FAM53A: variants seen among roughly 807,000 people sequenced by gnomAD.
FAM53A encodes protein FAM53A.
Under a neutral mutation model 26.6 loss-of-function variants are expected in FAM53A, and 28 were observed. That is an observed-to-expected ratio of 1.05 (90% confidence interval 0.78 to 1.45). The LOEUF (loss-of-function observed/expected upper bound fraction) is 1.45. Among genes scored for constraint, FAM53A ranks in the 40% most tolerant of loss-of-function variants. FAM53A has a pLI of 0.00. For missense variants in FAM53A, 650 were observed against 575.8 expected, an observed-to-expected ratio of 1.13 and a Z score of -1.32; for synonymous variants, 290 against 253.1, an observed-to-expected ratio of 1.15 and a Z score of -1.38.
the FAM53A span, among the ~76,000 whole-genome samples, chr4:1,599,905 G>T: frequency 1.3e-5 from 2 of 152,096 alleles, no homozygotes; most frequent in African/African-American, 4.8e-5. This position sits in a 1 kb window ranked among gnomAD's most constrained non-coding sequence, Gnocchi z 6.1. Context: ...GCGGTCCCTT[G>T]GGGTACTGCC....
intron 1 of FAM53A, among the ~76,000 whole-genome samples, chr4:1,675,890 C>T (rs971931026): frequency 8.5e-5 from 13 of 152,216 alleles, no homozygotes; most frequent in South Asian, 6.2e-4. Flanking sequence ...TGGAGCTCCA[C>T]GGGGGCAGCA....
chr4:1,674,040 AT>A (rs994336780), intron 1 of FAM53A, among the ~76,000 whole-genome samples: 5 of 152,354 alleles, frequency 3.3e-5, no homozygotes, highest in Admixed American at 1.3e-4. Context: ...CAGGGCCGTT[AT>A]AACAATCTCC....
upstream of FAM53A, among the ~76,000 whole-genome samples, chr4:1,685,169 G>A (rs966658333): frequency 2.6e-5 from 4 of 152,166 alleles, no homozygotes; most frequent in East Asian, 1.9e-4. Flanking sequence ...GTGGATATCC[G>A]CCGACTCTGG....
At chr4:1,674,337 G>T (rs764053102) in intron 1 of FAM53A, among the ~76,000 whole-genome samples, 1 of 152,124 alleles carries the variant, frequency 6.6e-6, no homozygotes, top group Non-Finnish European at 1.5e-5. Flanking sequence ...GGTTAGAGCC[G>T]ACTCTAATCA....
At chr4:1,574,744 C>T in the FAM53A span, among the ~76,000 whole-genome samples, 1 of 152,228 alleles carries the variant, frequency 6.6e-6, no homozygotes, top group Non-Finnish European at 1.5e-5. Context: ...AGGAGGTGGG[C>T]CTGGAGCCGG....
the FAM53A span, among the ~76,000 whole-genome samples, chr4:1,603,991 A>G: frequency 6.6e-6 from 1 of 152,316 alleles, no homozygotes; most frequent in East Asian, 1.9e-4. Context: ...TCATGGGCAC[A>G]GCTGCTGCCT....
Position 1,683,762 on chromosome 4 carries a change from A to G in FAM53A, c.-165+471T>C, listed in dbSNP as rs569577453. ...ACTGCGCTCAGATTAACGGAAAAAG[A>G]CACCCCTCTAGAGTCCGGCAGCAGC... is the stretch of plus-strand genomic sequence containing the variant. On this transcript the variant is annotated intron_variant, in intron 1 of 4. Transcript: ENST00000308132. 9.2e-5 allele frequency: 14 copies of G among 152,348 alleles called. 3 individuals are homozygous for G. Among genetic ancestry groups the G allele is most frequent in the African/African-American group, 3.4e-4 (14 of 41,582 alleles). The allele number at this position is 152,348 out of a possible 1,614,324, so 9.4% of individuals were successfully genotyped here.
intron 4 of FAM53A, among the ~76,000 whole-genome samples, chr4:1,642,448 T>C (rs1331712750): frequency 6.6e-6 from 1 of 151,150 alleles, no homozygotes; most frequent in East Asian, 2.0e-4. Flanking sequence ...CCCGGCTATA[T>C]CTCACTCAGT....
At chr4:1,596,271 T>C in the FAM53A span, among the ~76,000 whole-genome samples, 260 of 152,350 alleles carry the variant, frequency 1.7e-3, no homozygotes, top group Middle Eastern at 0.014. Context: ...GCAGGTCCCC[T>C]CTACATAATT....
At chr4:1,642,687 G>A (rs1347398948) in intron 4 of FAM53A, among the ~76,000 whole-genome samples, 1 of 125,580 alleles carries the variant, frequency 8.0e-6, no homozygotes, top group Admixed American at 8.6e-5. Context: ...CCACCTCCCA[G>A]TCCTTGCCTC....
the FAM53A span, among the ~76,000 whole-genome samples, chr4:1,602,031 G>C: frequency 6.6e-6 from 1 of 150,718 alleles, no homozygotes; most frequent in Non-Finnish European, 1.5e-5. Flanking sequence ...TGGGATGGTG[G>C]AGGTGGGCCG....
At chr4:1,629,589 A>G (rs1398592138) in intron 1 of FAM53A, among the ~76,000 whole-genome samples, 2 of 152,158 alleles carry the variant, frequency 1.3e-5, no homozygotes, top group African/African-American at 4.8e-5. Flanking sequence ...GGCTGCCCGC[A>G]CGGGTCCTCA....
the FAM53A span, among the ~76,000 whole-genome samples, chr4:1,599,104 C>T: frequency 1.3e-5 from 2 of 152,236 alleles, no homozygotes; most frequent in South Asian, 2.1e-4. The surrounding 1 kb of genome is among the most constrained non-coding windows in gnomAD (Gnocchi z 6.1). Context: ...GCAGGGCCGT[C>T]GGCTCCAACC....
Position 1,630,199 on chromosome 4 carries a change from C to T in FAM53A, c.432-12088G>A, listed in dbSNP as rs1198084413. On this transcript the variant is annotated intron_variant, in intron 1 of 1. Coordinates refer to the FAM53A transcript ENST00000489029. This position sits in a 1 kb window ranked among gnomAD's most constrained non-coding sequence, Gnocchi z 4.3. Reference sequence around the variant, plus strand: ...CCTTCCAAGCTGTCGGAGCTGCCCACGAGGCAGGTGCACAAGACAGCCTGG... The same window carrying T: ...CCTTCCAAGCTGTCGGAGCTGCCCATGAGGCAGGTGCACAAGACAGCCTGG... Among the ~76,000 whole-genome samples, 2 of 152,172 alleles carry T rather than the reference C, an allele frequency of 1.3e-5. No homozygotes were observed. The highest frequency in any genetic ancestry group is 2.9e-5 in the Non-Finnish European group (2 of 68,022).
chr4:1,667,997 C>T (rs1414508886), intron 2 of FAM53A, among the ~76,000 whole-genome samples: 3 of 152,148 alleles, frequency 2.0e-5, no homozygotes, highest in African/African-American at 2.4e-5. Flanking sequence ...TTGGGAGGCG[C>T]GGCTAGGAGG....
downstream of FAM53A, among the ~76,000 whole-genome samples, chr4:1,635,962 G>A (rs562320056): frequency 1.5e-4 from 22 of 146,876 alleles, no homozygotes; most frequent in African/African-American, 5.3e-4. Context: ...TCCTGCCTCA[G>A]CCTCCCGACT....
chr4:1,655,277 C>T lies in FAM53A; in HGVS notation c.583G>A (p.Val195Met), dbSNP rs917112059. 7 of 1,425,748 alleles carry T rather than the reference C, an allele frequency of 4.9e-6. No individual in the cohort carries two copies. The highest frequency in any genetic ancestry group is 6.2e-5 in the Admixed American group (2 of 32,484). The allele number at this position is 1,425,748 out of a possible 1,614,324, so 88.3% of individuals were successfully genotyped here. ...CCCGCACTGCCCTCGCTGCTGTCCA[C>T]GAAGCCGCCGCTGGCGGAGGACGGC... Reference protein sequence around the residue: ...PRPSSASGGFVDSSEGSAGSG... With the variant: ...PRPSSASGGFMDSSEGSAGSG... Residue 195 changes from valine to methionine, a missense_variant, in exon 4 of 5, where the codon GTG (valine) becomes ATG (methionine). Transcript: ENST00000308132.
At chr4:1,600,950 C>T in the FAM53A span, among the ~76,000 whole-genome samples, 1 of 152,212 alleles carries the variant, frequency 6.6e-6, no homozygotes, top group Non-Finnish European at 1.5e-5. Context: ...TGGCGACCAG[C>T]CCTGCCCCAG....
chr4:1,611,325 C>T, the FAM53A span, among the ~76,000 whole-genome samples: 1 of 152,290 alleles, frequency 6.6e-6, no homozygotes, highest in Non-Finnish European at 1.5e-5. Context: ...GCCCCCGCCA[C>T]CCCAGTTCGA....
Sources: gnomAD v4.1 joint callset for allele counts (sites outside exome capture counted in the v4.1 genomes callset) on GRCh38, gnomAD v4.1.1 for gene constraint, Gnocchi (gnomAD v3.1) non-coding constraint, MANE v1.5 for transcripts, NCBI Gene and HGNC (gene_info 2026-07-23, HGNC 2026-07-21) for gene names.